The following PTPN21 variants were observed in gnomAD, a reference collection of about 807,000 sequenced individuals.
The protein encoded by PTPN21 is protein tyrosine phosphatase non-receptor type 21.
A neutral mutation model predicts 131.8 loss-of-function variants in PTPN21; 77 were observed. That is an observed-to-expected ratio of 0.58 (90% CI 0.49 to 0.71). PTPN21 has a LOEUF of 0.71. PTPN21 is among the 30% of genes least tolerant of loss of function. The probability of loss-of-function intolerance (pLI) is 0.00; values close to 1 mark genes in which losing one functional copy is unlikely to be tolerated. For missense variants in PTPN21, 1,552 were observed against 1,527.1 expected, an observed-to-expected ratio of 1.02 and a Z score of -0.27; for synonymous variants, 715 against 621.3, an observed-to-expected ratio of 1.15 and a Z score of -2.24.
Position 88,505,313 on chromosome 14 carries a change from C to T in PTPN21, c.507G>A (p.Leu169=), listed in dbSNP as rs2078070325. The T allele has an allele frequency of 1.2e-6, 2 of 1,606,006 alleles. No individual in the cohort carries two copies. Among genetic ancestry groups the T allele is most frequent in the Middle Eastern group, 3.3e-4 (2 of 6,044 alleles). Residue 169 remains leucine, a synonymous_variant, in exon 5 of 19, where the codon TTG becomes TTA. Coordinates refer to ENST00000556564, the MANE Select transcript of PTPN21 (RefSeq NM_007039.4). The part of the protein sequence containing the change: ...ESQDFLQKFA[L]FPVGWLQDEK... ...TCAAAAGAAGTCTTACCACAGGAAA[C>T]AAGGCAAATTTCTGAAGAAAGTCCT... is the stretch of plus-strand genomic sequence containing the variant.
At chr14:88,514,592 G>C (rs2078237524) in intron 3 of PTPN21, among the ~76,000 whole-genome samples, 1 of 151,850 alleles carries the variant, frequency 6.6e-6, no homozygotes, top group African/African-American at 2.4e-5. Flanking sequence ...AGCCTCCCGA[G>C]TAGTTGGGAT....
chr14:88,477,635 C>T (rs2077567748), intron 13 of PTPN21, among the ~76,000 whole-genome samples: 1 of 152,018 alleles, frequency 6.6e-6, no homozygotes, highest in African/African-American at 2.4e-5. Context: ...TTGAGATGAG[C>T]CGTCCTGTCG....
chr14:88,547,478 T>G (rs1027883896), intron 2 of PTPN21: 1 of 294,058 alleles, frequency 3.4e-6, no homozygotes, highest in African/African-American at 2.3e-5. Flanking sequence ...CAAGACTCCA[T>G]CTCAAAAACA....
Position 88,479,317 on chromosome 14 carries a change from G to A in PTPN21, c.2114C>T (p.Thr705Ile). 6.2e-7 allele frequency: 1 copy of A among 1,613,462 alleles called. No individual in the cohort carries two copies. The highest frequency in any genetic ancestry group is 8.5e-7 in the Non-Finnish European group (1 of 1,179,632). Reference sequence around the variant, plus strand: ...CTCCTCGCTGCTGTGGATTAGCATGGTGGCGTCCGACAGGGACTTCTTATG... The same window carrying A: ...CTCCTCGCTGCTGTGGATTAGCATGATGGCGTCCGACAGGGACTTCTTATG... ...YGHKKSLSDA[T>I]MLIHSSEEEE... Residue 705 changes from threonine (T) to isoleucine (I), a missense_variant, in exon 13 of 19, where the codon ACC becomes ATC. By Grantham distance (89) the Thr-to-Ile change is moderately conservative (BLOSUM62 -1). Transcript: ENST00000556564.
At chr14:88,512,253 T>A (rs1475096381) in intron 3 of PTPN21, 1 of 152,166 alleles carries the variant, frequency 6.6e-6, no homozygotes, top group African/African-American at 2.4e-5. Context: ...CTTTATTTTT[T>A]AAAAATGTAA....
At chr14:88,539,685 G>C (rs974524819) in intron 2 of PTPN21, among the ~76,000 whole-genome samples, 22 of 152,204 alleles carry the variant, frequency 1.4e-4, no homozygotes, top group African/African-American at 5.3e-4. Flanking sequence ...TGGAAGACCT[G>C]AATTCTAGCA....
chr14:88,520,820 A>C (rs1416083750), intron 2 of PTPN21, among the ~76,000 whole-genome samples: 2 of 152,142 alleles, frequency 1.3e-5, no homozygotes, highest in African/African-American at 2.4e-5. Flanking sequence ...AAAACTACCT[A>C]AGTACATTTT....
intron 7 of PTPN21, 70 bp downstream of exon 7, chr14:88,501,211 G>C (rs1595374050): frequency 7.3e-6 from 10 of 1,363,980 alleles, no homozygotes; most frequent in African/African-American, 4.3e-5. Context: ...GACATCCTTG[G>C]ATTTCCCCAT....
chr14:88,477,909 G>T (rs909977924), intron 13 of PTPN21, among the ~76,000 whole-genome samples: 10 of 152,128 alleles, frequency 6.6e-5, no homozygotes, highest in Admixed American at 6.5e-4. Context: ...GACTAGCAAG[G>T]CTTCAACAAG....
chr14:88,522,485 G>A (rs1269927286), intron 2 of PTPN21, among the ~76,000 whole-genome samples: 2 of 150,224 alleles, frequency 1.3e-5, no homozygotes, highest in East Asian at 3.9e-4. Context: ...TTGTTGGTTA[G>A]CTCTTTTAAA....
At chr14:88,537,974 A>T (rs950071811) in intron 2 of PTPN21, among the ~76,000 whole-genome samples, 1 of 152,232 alleles carries the variant, frequency 6.6e-6, no homozygotes, top group African/African-American at 2.4e-5. Context: ...ATACAGTATT[A>T]TAATTTTATG....
At chr14:88,480,426 T>C in intron 12 of PTPN21, 74 bp from the exon 13 acceptor site, 1 of 1,148,798 alleles carries the variant, frequency 8.7e-7, no homozygotes, top group Non-Finnish European at 1.2e-6. Context: ...AGATCGGCCC[T>C]TACCTCTGAT....
In PTPN21 at chr14:88,511,601, G is replaced by A. The variant is rs138859393; in HGVS notation, c.351-3581C>T. Among the ~76,000 whole-genome samples, 615 of 152,200 alleles carry A rather than the reference G, an allele frequency of 4.0e-3. 8 individuals are homozygous for A. Among genetic ancestry groups the A allele is most frequent in the African/African-American group, 0.014 (594 of 41,538 alleles). ...GCAGAATTGCTTGAACCCAGGAGTC[G>A]GATGTTGCAGTGAGCCAAGATAGCG... is the stretch of plus-strand genomic sequence containing the variant. On this transcript the variant is annotated intron_variant, in intron 3 of 18. Transcript: ENST00000556564.
At chr14:88,485,361 T>C (rs1191902211) in intron 11 of PTPN21, among the ~76,000 whole-genome samples, 1 of 152,212 alleles carries the variant, frequency 6.6e-6, no homozygotes. Context: ...TCAAGCCCTA[T>C]GACTGATACC....
rs1210435829 is a variant in PTPN21 at position 88,467,642 on chromosome 14, T to C, written c.*495A>G. ...TAAAAAATAACAAAAGATAATAACA[T>C]GATTTTTAAATACAAAGTTATATAG... On this transcript the variant is annotated 3_prime_UTR_variant, in exon 19 of 19. Coordinates refer to ENST00000556564, the MANE Select transcript of PTPN21 (RefSeq NM_007039.4). 6.6e-6 allele frequency: 1 copy of C among 151,996 alleles called. No individual in the cohort carries two copies. Among genetic ancestry groups the C allele is most frequent in the Non-Finnish European group, 1.5e-5 (1 of 68,274 alleles). 9.4% of individuals were successfully genotyped at this position (151,996 alleles called of 1,614,324 possible).
intron 9 of PTPN21, among the ~76,000 whole-genome samples, chr14:88,496,701 A>T (rs369076022): frequency 6.6e-6 from 1 of 152,226 alleles, no homozygotes; most frequent in South Asian, 2.1e-4. Flanking sequence ...ATCTGTTCTA[A>T]CAGTGTGATT....
chr14:88,471,801 TAGA>T (rs1468971522), intron 15 of PTPN21, among the ~76,000 whole-genome samples: 1 of 151,772 alleles, frequency 6.6e-6, no homozygotes, highest in African/African-American at 2.4e-5. Flanking sequence ...TCTTCAGATT[TAGA>T]AGGACAAAGT....
At position 88,469,490 on chromosome 14, in the gene PTPN21, GTCAC is replaced by G. The variant is rs1273629802; in HGVS notation, c.3235+5_3235+8del. 4 of 1,599,018 alleles carry G rather than the reference GTCAC, an allele frequency of 2.5e-6. No homozygotes were observed. The South Asian group carries it at 3.3e-5, about 13-fold the overall frequency. The stretch of plus-strand genomic sequence containing the variant: ...CAGCTGTCCTCGGAACAAAGTTAAA[GTCAC>G]TCACATAAAAATCCCTTGAGGTCTT... On this transcript the variant is annotated splice_donor_5th_base_variant and intron_variant, in intron 17 of 18. Transcript: ENST00000556564. This position sits in a 1 kb window ranked among gnomAD's most constrained non-coding sequence, Gnocchi z 4.3.
chr14:88,542,343 G>C (rs1053582653), intron 2 of PTPN21, among the ~76,000 whole-genome samples: 11 of 152,166 alleles, frequency 7.2e-5, no homozygotes, highest in Admixed American at 1.3e-4. Flanking sequence ...ACAGCACTTA[G>C]AGCCCCCAAA....
Sources: allele counts gnomAD v4.1 joint callset (sites outside exome capture counted in the v4.1 genomes callset), GRCh38; gene constraint gnomAD v4.1.1; non-coding constraint Gnocchi (gnomAD v3.1); transcripts MANE v1.5; gene names NCBI Gene and HGNC (gene_info 2026-07-23, HGNC 2026-07-21).